The following SNAP47 variants were observed in gnomAD, a reference collection of about 807,000 sequenced individuals.
SNAP47 encodes the protein synaptosome associated protein 47.
SNAP47 carries 20 observed loss-of-function variants against 31.4 expected under a neutral mutation model. That is an observed-to-expected ratio of 0.64 (90% CI 0.45 to 0.93). The LOEUF is 0.93. Ranked by LOEUF, SNAP47 falls within the 40% of genes least tolerant of loss-of-function variation. The pLI is 0.00. For missense variants in SNAP47, 492 were observed against 528.5 expected (o/e 0.93, Z 0.68); for synonymous variants, 194 against 213.4 (o/e 0.91, Z 0.79).
intron 2 of SNAP47, among the ~76,000 whole-genome samples, chr1:227,758,464 C>T (rs1484230661): frequency 6.6e-6 from 1 of 152,214 alleles, no homozygotes; most frequent in Non-Finnish European, 1.5e-5. Context: ...CAACAGGAAT[C>T]TGGAGCATGC....
chr1:227,772,391 G>A (rs1422365801), intron 4 of SNAP47, among the ~76,000 whole-genome samples: 3 of 151,096 alleles, frequency 2.0e-5, no homozygotes, highest in East Asian at 3.9e-4. Flanking sequence ...TGCCACTCTG[G>A]GTTCCTTACA....
In SNAP47 at chr1:227,735,488, G is replaced by A. The variant is rs1451424477; in HGVS notation, c.-57G>A. The stretch of plus-strand genomic sequence containing the variant: ...CCGCGGTCGGCTCTGGGACTCGTCT[G>A]GCGTCCCTCAGGTGAGCGACGGTGT... On this transcript the variant is annotated 5_prime_UTR_variant, in exon 1 of 5. Coordinates refer to ENST00000617596, the MANE Select transcript of SNAP47 (RefSeq NM_053052.4). 3.0e-5 allele frequency: 42 copies of A among 1,418,576 alleles called. No individual in the cohort carries two copies. Among genetic ancestry groups the A allele is most frequent in the Non-Finnish European group, 3.6e-5 (40 of 1,096,116 alleles). 87.9% of individuals were successfully genotyped at this position (1,418,576 alleles called of 1,614,324 possible).
At chr1:227,736,872 G>A (rs1018031072) in intron 1 of SNAP47, among the ~76,000 whole-genome samples, 8 of 151,986 alleles carry the variant, frequency 5.3e-5, no homozygotes, top group Non-Finnish European at 8.8e-5. Flanking sequence ...GGCTGCGGTA[G>A]TCCTCGAGAC....
chr1:227,735,628 G>C, intron 1 of SNAP47, 129 bp downstream of exon 1: 1 of 1,325,146 alleles, frequency 7.5e-7, no homozygotes, highest in Non-Finnish European at 9.6e-7. Context: ...GGGGTGGGGG[G>C]TATGCGGGCT....
chr1:227,739,640 T>A (rs1019103623), intron 1 of SNAP47, among the ~76,000 whole-genome samples: 1 of 152,198 alleles, frequency 6.6e-6, no homozygotes, highest in African/African-American at 2.4e-5. Context: ...TAAAAATAAG[T>A]TGTTTACTGG....
intron 2 of SNAP47, among the ~76,000 whole-genome samples, chr1:227,754,350 A>G (rs1219491312): frequency 6.6e-6 from 1 of 152,182 alleles, no homozygotes; most frequent in Admixed American, 6.5e-5. Context: ...CAGGGTGTTT[A>G]TAGGCACAGG....
chr1:227,732,409 CAT>C, upstream of SNAP47: 3 of 1,612,770 alleles, frequency 1.9e-6, no homozygotes, highest in Non-Finnish European at 2.5e-6. Flanking sequence ...GCCGCAGCAG[CAT>C]CAACAGCCTC....
intron 2 of SNAP47, among the ~76,000 whole-genome samples, chr1:227,750,443 A>G (rs1455969941): frequency 2.0e-5 from 3 of 152,266 alleles, no homozygotes; most frequent in African/African-American, 7.2e-5. Flanking sequence ...AGACACGTGC[A>G]GAGTAGTGCT....
rs550886823 is a variant in SNAP47, at chr1:227,781,011, C to T, written c.*338C>T. 1.0e-5 allele frequency: 3 copies of T among 295,254 alleles called. No homozygotes were observed. Among genetic ancestry groups the T allele is most frequent in the East Asian group, 1.5e-4 (2 of 13,718 alleles). 18.3% of individuals were successfully genotyped at this position (295,254 alleles called of 1,614,324 possible). On this transcript the variant is annotated 3_prime_UTR_variant, in exon 5 of 5. Transcript: ENST00000617596. ...GGCTCCCTTTCATGGACAGACTGGC[C>T]TTCTTAGCTGTACTATAAATTTGTG...
chr1:227,733,093 C>A, upstream of SNAP47: 1 of 1,560,176 alleles, frequency 6.4e-7, no homozygotes, highest in Non-Finnish European at 8.8e-7. Flanking sequence ...ACCCACATCT[C>A]CTGCGCCAGG....
chr1:227,749,076 C>A (rs1662171526), intron 2 of SNAP47, among the ~76,000 whole-genome samples: 1 of 152,172 alleles, frequency 6.6e-6, no homozygotes, highest in African/African-American at 2.4e-5. Flanking sequence ...TGTGTTCCTC[C>A]AGTTTCCTGG....
intron 4 of SNAP47, chr1:227,776,105 C>G: frequency 8.5e-7 from 1 of 1,172,762 alleles, no homozygotes; most frequent in Non-Finnish European, 1.1e-6. Context: ...CTGAGTCACC[C>G]AGGGCTGCTC....
At chr1:227,730,871 G>C (rs963462791), upstream of SNAP47, 2 of 152,338 alleles carry the variant, frequency 1.3e-5, no homozygotes, top group Non-Finnish European at 1.5e-5. Context: ...CCTGCTGGCA[G>C]TGTCCGAGGC....
At chr1:227,760,916 G>A (rs1047960768) in intron 3 of SNAP47, among the ~76,000 whole-genome samples, 1 of 152,110 alleles carries the variant, frequency 6.6e-6, no homozygotes, top group South Asian at 2.1e-4. Flanking sequence ...AAAATCCACC[G>A]ATTTTCCCCT....
intron 1 of SNAP47, among the ~76,000 whole-genome samples, chr1:227,739,375 C>T (rs770946244): frequency 6.6e-6 from 1 of 152,086 alleles, no homozygotes; most frequent in Non-Finnish European, 1.5e-5. Context: ...CGCTTTGTGC[C>T]GAATATGTGC....
intron 2 of SNAP47, among the ~76,000 whole-genome samples, chr1:227,753,601 T>A (rs1558200027): frequency 6.6e-6 from 1 of 152,146 alleles, no homozygotes; most frequent in Non-Finnish European, 1.5e-5. Flanking sequence ...GGGTCTGTCA[T>A]CCTCTTTCTG....
intron 1 of SNAP47, chr1:227,735,722 G>C: frequency 1.0e-6 from 1 of 983,748 alleles, no homozygotes; most frequent in East Asian, 1.1e-4. Flanking sequence ...ATGGGACCCG[G>C]AGAGAACGGT....
At chr1:227,730,268 GCC>G (rs1660554801), upstream of SNAP47, among the ~76,000 whole-genome samples, 1 of 152,128 alleles carries the variant, frequency 6.6e-6, no homozygotes, top group Non-Finnish European at 1.5e-5. Flanking sequence ...CTTTGCGAAG[GCC>G]CTCACATGTG....
intron 1 of SNAP47, 23 bp from the exon 2 acceptor site, chr1:227,747,669 C>T (rs1662054715): frequency 2.6e-6 from 4 of 1,562,210 alleles, no homozygotes; most frequent in South Asian, 1.2e-5. Flanking sequence ...GACGGCAGAA[C>T]GTTACTGTCT....
Sources: gnomAD v4.1 joint callset for allele counts (sites outside exome capture counted in the v4.1 genomes callset) on GRCh38, gnomAD v4.1.1 for gene constraint, MANE v1.5 for transcripts, NCBI Gene and HGNC (gene_info 2026-07-23, HGNC 2026-07-21) for gene names.